RBFOX1: variants seen among roughly 807,000 people sequenced by gnomAD.
RBFOX1 encodes the protein RNA binding fox-1 homolog 1.
A neutral mutation model predicts 57.7 loss-of-function variants in RBFOX1; 8 were observed. The observed-to-expected ratio is 0.14, with a 90% CI of 0.08 to 0.25. RBFOX1 has a LOEUF of 0.25. Ranked by LOEUF, RBFOX1 falls within the 10% of genes least tolerant of loss-of-function variation. The pLI is 1.00. For synonymous variants in RBFOX1, 326 were observed against 222.4 expected, an observed-to-expected ratio of 1.47 and a Z score of -4.15; for missense variants, 611 against 548.5, an observed-to-expected ratio of 1.11 and a Z score of -1.14.
chr16:6,559,623 C>T (rs904682220), intron 2 of RBFOX1, among the ~76,000 whole-genome samples: 3 of 36,434 alleles, frequency 8.2e-5, no homozygotes, highest in Non-Finnish European at 3.9e-4. Flanking sequence ...TACATACATA[C>T]ATGTATACAC....
chr16:5,322,479 C>T (rs989139448), intron 1 of RBFOX1, among the ~76,000 whole-genome samples: 2 of 152,116 alleles, frequency 1.3e-5, no homozygotes, highest in Non-Finnish European at 1.5e-5. Context: ...CTGTGGCTGC[C>T]AGTTTCTCAT....
At chr16:7,576,582 C>T (rs1248366352) in intron 5 of RBFOX1, among the ~76,000 whole-genome samples, 1 of 152,150 alleles carries the variant, frequency 6.6e-6, no homozygotes, top group African/African-American at 2.4e-5. Context: ...GCATACACTA[C>T]AAAATGATTA....
chr16:6,683,607 C>G (rs1224075530), intron 3 of RBFOX1, among the ~76,000 whole-genome samples: 1 of 152,048 alleles, frequency 6.6e-6, no homozygotes, highest in African/African-American at 2.4e-5. Flanking sequence ...ATGTATATAT[C>G]TGTGTTTGTG....
chr16:6,885,337 G>T (rs1268304397), intron 3 of RBFOX1, among the ~76,000 whole-genome samples: 1 of 152,136 alleles, frequency 6.6e-6, no homozygotes, highest in Non-Finnish European at 1.5e-5. Context: ...TAGGGTTTGG[G>T]TGTCTCTGAT....
intron 4 of RBFOX1, among the ~76,000 whole-genome samples, chr16:7,106,466 G>A (rs1334819431): frequency 1.3e-5 from 2 of 152,112 alleles, no homozygotes; most frequent in Non-Finnish European, 2.9e-5. Context: ...GATTGTAAGT[G>A]ATGAACTTAA....
At chr16:6,830,043 A>G (rs560340414) in intron 3 of RBFOX1, among the ~76,000 whole-genome samples, 1 of 152,072 alleles carries the variant, frequency 6.6e-6, no homozygotes, top group Admixed American at 6.5e-5. Flanking sequence ...CAGCCTCCCA[A>G]GTAACTAGGA....
At chr16:6,678,369 C>G (rs1044795781) in intron 3 of RBFOX1, among the ~76,000 whole-genome samples, 1 of 151,988 alleles carries the variant, frequency 6.6e-6, no homozygotes, top group East Asian at 1.9e-4. Context: ...AGTCATCTAC[C>G]CAACTCAGCC....
intron 2 of RBFOX1, among the ~76,000 whole-genome samples, chr16:6,352,410 A>ATTT (rs938859626): frequency 3.9e-5 from 6 of 152,326 alleles, no homozygotes; most frequent in African/African-American, 1.4e-4. Flanking sequence ...AATGACCAAA[A>ATTT]TTTAGTGTTT....
At chr16:6,602,055 T>G (rs1187131850) in intron 2 of RBFOX1, among the ~76,000 whole-genome samples, 1 of 152,178 alleles carries the variant, frequency 6.6e-6, no homozygotes, top group Non-Finnish European at 1.5e-5. Context: ...GCGTCCTATT[T>G]CTCTCCTTTC....
intron 3 of RBFOX1, among the ~76,000 whole-genome samples, chr16:6,923,458 G>T (rs1053272803): frequency 6.6e-6 from 1 of 152,134 alleles, no homozygotes; most frequent in African/African-American, 2.4e-5. Flanking sequence ...GCTGGAAACC[G>T]GGAGGTGGAG....
chr16:6,920,022 G>A (rs779797704), intron 3 of RBFOX1, among the ~76,000 whole-genome samples: 8 of 151,762 alleles, frequency 5.3e-5, no homozygotes, highest in Non-Finnish European at 1.0e-4. Flanking sequence ...CTTATAAGAC[G>A]GAAAATATGA....
chr16:6,619,105 C>G (rs1360360475), intron 2 of RBFOX1, among the ~76,000 whole-genome samples: 1 of 152,072 alleles, frequency 6.6e-6, no homozygotes, highest in South Asian at 2.1e-4. Context: ...AAAATGACTT[C>G]CAGACACTTA....
At chr16:7,304,847 G>A (rs958204784) in intron 4 of RBFOX1, among the ~76,000 whole-genome samples, 3 of 151,882 alleles carry the variant, frequency 2.0e-5, no homozygotes, top group Admixed American at 6.6e-5. Context: ...GAGGCATTCC[G>A]GTGCCTGTAG....
intron 13 of RBFOX1, 36 bp from the exon 14 acceptor site, chr16:7,676,738 C>A: frequency 6.3e-7 from 1 of 1,585,958 alleles, no homozygotes; most frequent in Non-Finnish European, 8.7e-7. Context: ...TTGGGCTCCG[C>A]TACATTCCTG....
At chr16:5,369,519 C>A (rs528017222) in intron 1 of RBFOX1, among the ~76,000 whole-genome samples, 2 of 152,198 alleles carry the variant, frequency 1.3e-5, no homozygotes, top group Non-Finnish European at 2.9e-5. Flanking sequence ...GGACGTTCTC[C>A]GTGGTACATG....
intron 2 of RBFOX1, among the ~76,000 whole-genome samples, chr16:6,527,663 G>A (rs2096600010): frequency 6.6e-6 from 1 of 152,026 alleles, no homozygotes; most frequent in Non-Finnish European, 1.5e-5. Flanking sequence ...TGTGTTCAAA[G>A]CCACATATTT....
At chr16:6,585,972 C>T (rs13338986) in intron 2 of RBFOX1, among the ~76,000 whole-genome samples, 2,231 of 152,240 alleles carry the variant, frequency 0.015, 50 homozygotes, top group African/African-American at 0.051. Flanking sequence ...CAGTTTTAAA[C>T]GTTCAAAACA....
At chr16:5,901,690 A>G (rs2058308845) in intron 4 of RBFOX1, among the ~76,000 whole-genome samples, 1 of 152,246 alleles carries the variant, frequency 6.6e-6, no homozygotes, top group Non-Finnish European at 1.5e-5. Flanking sequence ...AATTAGTTGG[A>G]CATCCACATC....
intron 4 of RBFOX1, among the ~76,000 whole-genome samples, chr16:7,182,767 C>T (rs1405077168): frequency 6.6e-6 from 1 of 152,136 alleles, no homozygotes; most frequent in Non-Finnish European, 1.5e-5. Context: ...AGATTTGCCT[C>T]ACCCCTGACT....
Sources: gnomAD v4.1 joint callset for allele counts (sites outside exome capture counted in the v4.1 genomes callset) on GRCh38, gnomAD v4.1.1 for gene constraint, MANE v1.5 for transcripts, NCBI Gene and HGNC (gene_info 2026-07-23, HGNC 2026-07-21) for gene names.